The following PRR16 variants were observed in gnomAD, a reference collection of about 807,000 sequenced individuals.
The protein encoded by PRR16 is proline rich 16.
A neutral mutation model predicts 18.2 loss-of-function variants in PRR16; 6 were observed. That is an observed-to-expected ratio of 0.33 (90% confidence interval 0.18 to 0.65). PRR16 has a LOEUF of 0.65. Ranked by LOEUF, PRR16 falls within the 30% of genes least tolerant of loss-of-function variation. The pLI, the probability that PRR16 is intolerant of heterozygous loss-of-function variation, is 0.74. For synonymous variants in PRR16, 151 were observed against 147.8 expected, an observed-to-expected ratio of 1.02 and a Z score of -0.16; for missense variants, 412 against 376.6, an observed-to-expected ratio of 1.09 and a Z score of -0.78.
intron 1 of PRR16, among the ~76,000 whole-genome samples, chr5:120,582,304 A>G (rs11241554): frequency 0.44 from 66,141 of 151,852 alleles, 15,102 homozygotes; most frequent in African/African-American, 0.56. Flanking sequence ...ATCTCTAAAA[A>G]GGGCATAAGG....
intron 1 of PRR16, among the ~76,000 whole-genome samples, chr5:120,656,813 C>A (rs1455144416): frequency 6.6e-6 from 1 of 151,840 alleles, no homozygotes; most frequent in South Asian, 2.1e-4. Flanking sequence ...TTCATTCAAC[C>A]TACGTTTATT....
chr5:120,491,867 A>G (rs1398292404), intron 1 of PRR16, among the ~76,000 whole-genome samples: 1 of 151,990 alleles, frequency 6.6e-6, no homozygotes, highest in African/African-American at 2.4e-5. Flanking sequence ...TCTTCGTTTT[A>G]TTGATTTCAT....
intron 1 of PRR16, among the ~76,000 whole-genome samples, chr5:120,593,080 C>T (rs1409958292): frequency 7.2e-5 from 11 of 151,948 alleles, no homozygotes; most frequent in Non-Finnish European, 8.8e-5. Flanking sequence ...CTCAAGGTAA[C>T]AACTTAACAT....
chr5:120,492,387 C>T (rs1314110088), intron 1 of PRR16, among the ~76,000 whole-genome samples: 1 of 151,698 alleles, frequency 6.6e-6, no homozygotes, highest in Non-Finnish European at 1.5e-5. Flanking sequence ...TTCCAAAATG[C>T]TGGTATTACA....
the PRR16 span, among the ~76,000 whole-genome samples, chr5:120,777,895 T>TTGGTTC: frequency 6.6e-6 from 1 of 152,150 alleles, no homozygotes; most frequent in Non-Finnish European, 1.5e-5. Flanking sequence ...TTGACTTTAT[T>TTGGTTC]AGACTCTATC....
intron 1 of PRR16, among the ~76,000 whole-genome samples, chr5:120,505,564 T>C (rs1272997516): frequency 6.6e-6 from 1 of 152,124 alleles, no homozygotes; most frequent in African/African-American, 2.4e-5. Flanking sequence ...GATCAGGCTA[T>C]CCATCACTGG....
downstream of PRR16, among the ~76,000 whole-genome samples, chr5:120,688,314 C>T (rs928285116): frequency 2.6e-5 from 4 of 152,138 alleles, no homozygotes; most frequent in South Asian, 2.1e-4. Context: ...ACTCAGCATG[C>T]GTTATGTTTC....
intron 1 of PRR16, among the ~76,000 whole-genome samples, chr5:120,643,878 G>T (rs1394248842): frequency 6.6e-6 from 1 of 152,072 alleles, no homozygotes; most frequent in African/African-American, 2.4e-5. Context: ...GGTGGTGGGT[G>T]TCTGTAGTCC....
chr5:120,749,066 A>C, the PRR16 span, among the ~76,000 whole-genome samples: 2 of 152,156 alleles, frequency 1.3e-5, no homozygotes. Flanking sequence ...TATGTCAAAT[A>C]GTAAGATTTA....
chr5:120,671,988 A>G (rs1057026603), intron 1 of PRR16, among the ~76,000 whole-genome samples: 4 of 152,176 alleles, frequency 2.6e-5, no homozygotes, highest in Non-Finnish European at 5.9e-5. Flanking sequence ...TTTATTGTTC[A>G]TTTATTCAAC....
At chr5:120,465,840 G>A (rs957489330) in intron 1 of PRR16, 1 of 152,370 alleles carries the variant, frequency 6.6e-6, no homozygotes, top group Non-Finnish European at 1.5e-5. Context: ...TGAAGCCAAC[G>A]GGGAGGAGAC....
chr5:120,661,907 C>G (rs1756185998), intron 1 of PRR16, among the ~76,000 whole-genome samples: 1 of 152,022 alleles, frequency 6.6e-6, no homozygotes, highest in South Asian at 2.1e-4. Flanking sequence ...ATCCTTAGAC[C>G]TAAGAAATGG....
At chr5:120,703,819 C>G in the PRR16 span, among the ~76,000 whole-genome samples, 1 of 152,158 alleles carries the variant, frequency 6.6e-6, no homozygotes. Context: ...CATAGATTTC[C>G]TAATCCATGA....
chr5:120,562,771 A>G (rs1183639171), intron 1 of PRR16, among the ~76,000 whole-genome samples: 2 of 152,134 alleles, frequency 1.3e-5, no homozygotes, highest in Non-Finnish European at 2.9e-5. Flanking sequence ...AAAACTAATA[A>G]AAACTCTACA....
chr5:120,641,889 C>A (rs183548404), intron 1 of PRR16, among the ~76,000 whole-genome samples: 92 of 152,196 alleles, frequency 6.0e-4, no homozygotes, highest in Middle Eastern at 3.4e-3. Flanking sequence ...TCCAGTATGT[C>A]AAGAATGGAG....
intron 1 of PRR16, among the ~76,000 whole-genome samples, chr5:120,667,833 TCTCTG>T (rs1756446922): frequency 1.3e-5 from 2 of 152,176 alleles, no homozygotes; most frequent in Non-Finnish European, 2.9e-5. Flanking sequence ...TTTGTTATAA[TCTCTG>T]TTCTTTTACA....
intron 1 of PRR16, among the ~76,000 whole-genome samples, chr5:120,502,695 T>A (rs577252440): frequency 6.6e-6 from 1 of 152,316 alleles, no homozygotes; most frequent in South Asian, 2.1e-4. Context: ...ATTTTCTTTT[T>A]ATTAGTCGAA....
At chr5:120,574,458 G>T (rs1479084315) in intron 1 of PRR16, among the ~76,000 whole-genome samples, 2 of 151,848 alleles carry the variant, frequency 1.3e-5, no homozygotes, top group Non-Finnish European at 2.9e-5. Context: ...ACAAAAATTA[G>T]CCAGGCATGG....
chr5:120,794,127 C>A, the PRR16 span, among the ~76,000 whole-genome samples: 1 of 152,068 alleles, frequency 6.6e-6, no homozygotes, highest in Non-Finnish European at 1.5e-5. Context: ...ATCTCTCTCA[C>A]TCATCAACAG....
Sources: allele counts gnomAD v4.1 joint callset (sites outside exome capture counted in the v4.1 genomes callset), GRCh38; gene constraint gnomAD v4.1.1; transcripts MANE v1.5; gene names NCBI Gene and HGNC (gene_info 2026-07-23, HGNC 2026-07-21).